Variants in ZNF532 observed in about 807,000 individuals in gnomAD.
ZNF532 encodes zinc finger protein 532.
In ZNF532, 22 loss-of-function variants were observed where a neutral mutation model predicts 89.3. That is an observed-to-expected ratio of 0.25 (90% CI 0.18 to 0.35). The LOEUF (loss-of-function observed/expected upper bound fraction) is 0.35, where lower values mean the gene tolerates loss of function less well. Among genes scored for constraint, ZNF532 ranks in the 10% least tolerant of loss-of-function variants. The probability of loss-of-function intolerance (pLI) is 1.00; values close to 1 mark genes in which losing one functional copy is unlikely to be tolerated. For missense variants in ZNF532, 1,132 were observed against 1,643.4 expected, an observed-to-expected ratio of 0.69 and a Z score of 5.38; for synonymous variants, 606 against 649.6, an observed-to-expected ratio of 0.93 and a Z score of 1.02.
chr18:58,901,347 C>T (rs1052516607), intron 2 of ZNF532, among the ~76,000 whole-genome samples: 21 of 152,156 alleles, frequency 1.4e-4, no homozygotes, highest in African/African-American at 4.8e-4. Context: ...CTCAGCCTTC[C>T]AAAGTGGGAT....
chr18:58,930,902 C>T (rs1443726072), intron 3 of ZNF532, among the ~76,000 whole-genome samples: 2 of 151,752 alleles, frequency 1.3e-5, no homozygotes, highest in Middle Eastern at 6.8e-3. Flanking sequence ...TATTTTTGAT[C>T]TGTGGTTGAT....
At chr18:58,879,545 C>T (rs374233513) in intron 2 of ZNF532, among the ~76,000 whole-genome samples, 14 of 152,190 alleles carry the variant, frequency 9.2e-5, no homozygotes, top group Non-Finnish European at 1.2e-4. Flanking sequence ...CTTGCCACCA[C>T]GCCCGGCTAA....
At chr18:58,890,468 G>T (rs955076248) in intron 2 of ZNF532, among the ~76,000 whole-genome samples, 2 of 151,450 alleles carry the variant, frequency 1.3e-5, no homozygotes, top group African/African-American at 4.9e-5. Flanking sequence ...TCTCCTTAAT[G>T]ACTTCTGGGT....
intron 9 of ZNF532, among the ~76,000 whole-genome samples, chr18:58,982,001 C>CCA (rs2067838711): frequency 1.2e-5 from 1 of 83,312 alleles, no homozygotes; most frequent in East Asian, 3.0e-4. Context: ...GAGACTCTCC[C>CCA]AAAAAAAAAA....
chr18:58,969,646 G>GA (rs2147387632), intron 7 of ZNF532, among the ~76,000 whole-genome samples: 1 of 152,300 alleles, frequency 6.6e-6, no homozygotes, highest in South Asian at 2.1e-4. Flanking sequence ...GCTGGGACTG[G>GA]AGAAAGTGAC....
chr18:58,974,560 A>G (rs942483213), intron 7 of ZNF532, among the ~76,000 whole-genome samples: 1 of 152,248 alleles, frequency 6.6e-6, no homozygotes, highest in Non-Finnish European at 1.5e-5. Context: ...TATCAGAACA[A>G]TGGGAGCTTA....
intron 2 of ZNF532, among the ~76,000 whole-genome samples, chr18:58,913,011 C>T (rs2060375994): frequency 6.6e-6 from 1 of 152,156 alleles, no homozygotes; most frequent in Non-Finnish European, 1.5e-5. Context: ...ACCTGCGTAG[C>T]TGAACCGATT....
rs1555739593 is a variant in ZNF532 at position 58,941,972 on chromosome 18, C to CTCCT, written c.2705+2354_2705+2355insTTCC. ...CTTTCCTCCCTCCCTCTCTCCCTCC[C>CTCCT]TCCCTCCTTCCCTCCTTCCCTTCCT... is the stretch of plus-strand genomic sequence containing the variant. On this transcript the variant is annotated intron_variant, in intron 5 of 9. Transcript: ENST00000591808. Among the ~76,000 whole-genome samples, 681 of 129,596 alleles carry CTCCT rather than the reference C, an allele frequency of 5.3e-3. 1 individual carries two copies. Among genetic ancestry groups the CTCCT allele is most frequent in the African/African-American group, 0.016 (590 of 35,958 alleles). The allele number at this position is 129,596 out of a possible 152,430, so 85.0% of individuals were successfully genotyped here.
chr18:58,970,849 T>G (rs2066408282), intron 7 of ZNF532, among the ~76,000 whole-genome samples: 2 of 152,230 alleles, frequency 1.3e-5, no homozygotes, highest in South Asian at 2.1e-4. Flanking sequence ...GTACCCCTGG[T>G]AGCCCCACCG....
chr18:58,979,021 A>G lies in ZNF532; in HGVS notation c.3151-34A>G, dbSNP rs184136875. ...TAATTGTTTGAGTGCATCTATTTTC[A>G]TTCCCTTAAGTGAACTTTCTCTCCT... On this transcript the variant is annotated intron_variant, in intron 7 of 9. Coordinates refer to ENST00000591808, the MANE Select transcript of ZNF532 (RefSeq NM_001375912.1). 13 of 1,539,724 alleles carry G rather than the reference A, an allele frequency of 8.4e-6. No homozygotes were observed. The African/African-American group carries it at 1.1e-4, about 13-fold the overall frequency.
intron 2 of ZNF532, among the ~76,000 whole-genome samples, chr18:58,915,221 C>T (rs1028169351): frequency 2.0e-5 from 3 of 152,184 alleles, no homozygotes; most frequent in Non-Finnish European, 2.9e-5. Context: ...GGGTTTCAGA[C>T]GACACGATGC....
chr18:58,929,192 A>T (rs1216144985), intron 3 of ZNF532, among the ~76,000 whole-genome samples: 1 of 152,216 alleles, frequency 6.6e-6, no homozygotes, highest in Non-Finnish European at 1.5e-5. Flanking sequence ...AGGCTCTTAC[A>T]GCCGGAGGGA....
chr18:58,880,290 T>C (rs2057780853), intron 2 of ZNF532, among the ~76,000 whole-genome samples: 1 of 152,188 alleles, frequency 6.6e-6, no homozygotes, highest in African/African-American at 2.4e-5. Flanking sequence ...GGAAACTCTG[T>C]TTATTTGGAG....
chr18:58,937,878 A>G (rs11665525), intron 4 of ZNF532, among the ~76,000 whole-genome samples: 33,723 of 152,200 alleles, frequency 0.22, 4,810 homozygotes, highest in Middle Eastern at 0.38. Flanking sequence ...AGGTGGCTCT[A>G]TTGCCTGAAA....
chr18:58,952,380 T>G lies in ZNF532; in HGVS notation c.2869-1138T>G, dbSNP rs1230604480. Among the ~76,000 whole-genome samples, 4 of 152,328 alleles carry G rather than the reference T, an allele frequency of 2.6e-5. No individual in the cohort carries two copies. In the East Asian group the frequency reaches 7.7e-4, roughly 29 times the overall value. The stretch of plus-strand genomic sequence containing the variant: ...ATACAGAGGCAAAGATTTTATTTTT[T>G]GCTCTCCTCCACCCTCTTTTTTTGT... On this transcript the variant is annotated intron_variant, in intron 6 of 9. Coordinates refer to ENST00000591808, the MANE Select transcript of ZNF532 (RefSeq NM_001375912.1).
chr18:58,954,711 C>CTT (rs11416830), intron 7 of ZNF532, among the ~76,000 whole-genome samples: 7,348 of 106,258 alleles, frequency 0.069, 500 homozygotes, highest in African/African-American at 0.15. Context: ...GAATTTGCTA[C>CTT]TTTTTTTTTT....
intron 6 of ZNF532, 45 bp from the exon 7 acceptor site, chr18:58,953,473 G>C (rs753079035): frequency 6.5e-7 from 1 of 1,540,588 alleles, no homozygotes. Context: ...CTTTCTTTTA[G>C]TGTTGTGATT....
At position 58,918,718 on chromosome 18, in the gene ZNF532, T is replaced by C. The variant is rs1207123508; in HGVS notation, c.431T>C (p.Ile144Thr). ...GAAGAGTTTGATGACGACGAGAAGA[T>C]TGAGGTGGATGACCCCCCTGACAAG... ...SAEEFDDDEK[I>T]EVDDPPDKED... The change falls in exon 3 of 10, where the codon ATT becomes ACT. Residue 144 changes from isoleucine (I) to threonine (T), a missense_variant. Transcript: ENST00000591808. 6.2e-7 allele frequency: 1 copy of C among 1,614,028 alleles called. No individual in the cohort carries two copies. Among genetic ancestry groups the C allele is most frequent in the South Asian group, 1.1e-5 (1 of 91,078 alleles).
At chr18:58,959,585 C>T (rs1260705185) in intron 7 of ZNF532, among the ~76,000 whole-genome samples, 2 of 152,040 alleles carry the variant, frequency 1.3e-5, no homozygotes, top group Non-Finnish European at 2.9e-5. Flanking sequence ...AGATGTGGTC[C>T]AGTACTGTGT....
Sources: gnomAD v4.1 joint callset for allele counts (sites outside exome capture counted in the v4.1 genomes callset) on GRCh38, gnomAD v4.1.1 for gene constraint, MANE v1.5 for transcripts, NCBI Gene and HGNC (gene_info 2026-07-23, HGNC 2026-07-21) for gene names.